FRYL: variants seen among roughly 807,000 people sequenced by gnomAD.
FRYL encodes the protein FRY like transcription coactivator, also known as protein furry homolog-like.
A neutral mutation model predicts 351.2 loss-of-function variants in FRYL; 150 were observed. The ratio of observed to expected loss-of-function variants is 0.43; its 90% CI spans 0.37 to 0.49. The LOEUF (loss-of-function observed/expected upper bound fraction) is 0.49, where lower values mean the gene tolerates loss of function less well. Ranked by LOEUF, FRYL falls within the 20% of genes least tolerant of loss-of-function variation. The pLI, the probability that FRYL is intolerant of heterozygous loss-of-function variation, is 0.00. For missense variants in FRYL, 3,036 were observed against 3,619.3 expected (o/e 0.84, Z 4.13); for synonymous variants, 1,153 against 1,257.1 (o/e 0.92, Z 1.75).
intron 25 of FRYL, 67 bp from the exon 26 acceptor site, chr4:48,573,310 TAAAA>T (rs1205626455): frequency 1.4e-5 from 14 of 1,032,438 alleles, no homozygotes; most frequent in Non-Finnish European, 2.0e-5. Context: ...GGTAAATATG[TAAAA>T]ACATGATGTA....
chr4:48,547,532 C>T, intron 41 of FRYL, 52 bp downstream of exon 41: 4 of 1,085,130 alleles, frequency 3.7e-6, no homozygotes, highest in East Asian at 2.7e-5. Flanking sequence ...TGCAGGATTC[C>T]AAATTAATAA....
At chr4:48,642,251 G>GCCTTCACAAA (rs1351908767) in intron 3 of FRYL, among the ~76,000 whole-genome samples, 4 of 151,938 alleles carry the variant, frequency 2.6e-5, no homozygotes, top group African/African-American at 4.8e-5. Context: ...ATACTTTCAA[G>GCCTTCACAAA]CTTATGCATG....
chr4:48,779,746 A>G (rs1463575305), intron 1 of FRYL, among the ~76,000 whole-genome samples: 1 of 151,686 alleles, frequency 6.6e-6, no homozygotes, highest in Non-Finnish European at 1.5e-5. Context: ...CGCGCGCGAG[A>G]AGAGCCAGGC....
At chr4:48,605,984 G>C (rs542630490) in intron 10 of FRYL, 151 bp from the exon 11 acceptor site, 88 of 563,258 alleles carry the variant, frequency 1.6e-4, no homozygotes, top group African/African-American at 1.5e-3. Context: ...GGCTGGGTGC[G>C]GTGGCTCACA....
intron 1 of FRYL, among the ~76,000 whole-genome samples, chr4:48,779,730 C>T (rs1384685908): frequency 6.6e-6 from 1 of 151,766 alleles, no homozygotes; most frequent in Non-Finnish European, 1.5e-5. Flanking sequence ...GCGAGGGGTA[C>T]CCGGGCGCGC....
At chr4:48,652,679 G>A (rs924345382) in intron 3 of FRYL, among the ~76,000 whole-genome samples, 1 of 152,132 alleles carries the variant, frequency 6.6e-6, no homozygotes, top group Non-Finnish European at 1.5e-5. Flanking sequence ...TTTATCTTAA[G>A]AGGGTTTTTG....
Position 48,561,449 on chromosome 4 carries a change from A to G in FRYL, c.3865+19T>C. The G allele has an allele frequency of 6.7e-7, 1 of 1,496,084 alleles. No homozygotes were observed. Among genetic ancestry groups the G allele is most frequent in the African/African-American group, 1.4e-5 (1 of 72,046 alleles). 92.7% of individuals were successfully genotyped at this position (1,496,084 alleles called of 1,614,324 possible). The stretch of plus-strand genomic sequence containing the variant: ...AATGATTGACAAATAGAAACTACTA[A>G]CCAGTTCATTGATCATACCTGAGAA... On this transcript the variant is annotated intron_variant, in intron 33 of 63. Coordinates refer to ENST00000358350, the MANE Select transcript of FRYL (RefSeq NM_015030.2).
intron 1 of FRYL, among the ~76,000 whole-genome samples, chr4:48,716,391 A>T (rs2149601423): frequency 6.6e-6 from 1 of 151,698 alleles, no homozygotes; most frequent in East Asian, 1.9e-4. Context: ...CAAAGGGCTA[A>T]TATCCAGAAT....
At chr4:48,645,794 A>G (rs1251291519) in intron 3 of FRYL, among the ~76,000 whole-genome samples, 1 of 152,182 alleles carries the variant, frequency 6.6e-6, no homozygotes, top group Non-Finnish European at 1.5e-5. Context: ...TGATCATTAA[A>G]AAGTTTCAAA....
intron 57 of FRYL, among the ~76,000 whole-genome samples, chr4:48,512,259 A>T (rs1722634639): frequency 6.6e-6 from 1 of 152,188 alleles, no homozygotes; most frequent in Admixed American, 6.5e-5. Flanking sequence ...TTGAAGTTTT[A>T]TTCTAATTGC....
intron 1 of FRYL, among the ~76,000 whole-genome samples, chr4:48,726,934 T>C (rs1249394057): frequency 6.6e-6 from 1 of 152,238 alleles, no homozygotes; most frequent in Non-Finnish European, 1.5e-5. Context: ...ATTAGTTATT[T>C]GAAAATTCCA....
At position 48,770,795 on chromosome 4, in the gene FRYL, A is replaced by G. The variant is rs766395474; in HGVS notation, c.-384+9283T>C. ...TAGTTTACAATAAATAAGCATACAC[A>G]TATTGGGAATGAAGACTCAATTTTT... On this transcript the variant is annotated intron_variant, in intron 1 of 63. Transcript: ENST00000358350. Among the ~76,000 whole-genome samples, 154 of 152,326 alleles carry G rather than the reference A, an allele frequency of 1.0e-3. 1 individual carries two copies. Among genetic ancestry groups the G allele is most frequent in the Non-Finnish European group, 3.4e-4 (23 of 68,026 alleles).
At chr4:48,499,819 A>G (rs955999138) in intron 63 of FRYL, 139 bp from the exon 64 acceptor site, 9 of 886,478 alleles carry the variant, frequency 1.0e-5, no homozygotes, top group African/African-American at 1.7e-5. Flanking sequence ...AATATTACTC[A>G]AAGTACCACC....
rs182982919 is a variant in FRYL, at chr4:48,732,332, T to C, written c.-383-21634A>G. ...AATGCTTTTACACTGTTGGTGGGAG[T>C]ATAAATTAGTTCAAGCATTGTGGAA... On this transcript the variant is annotated intron_variant, in intron 1 of 63. Coordinates refer to ENST00000358350, the MANE Select transcript of FRYL (RefSeq NM_015030.2). 5.7e-4 allele frequency among the ~76,000 whole-genome samples: 86 copies of C among 151,968 alleles called. 1 individual carries two copies. In the East Asian group the frequency reaches 0.016, roughly 29 times the overall value.
At chr4:48,756,609 C>A (rs1773803796) in intron 1 of FRYL, among the ~76,000 whole-genome samples, 1 of 152,146 alleles carries the variant, frequency 6.6e-6, no homozygotes, top group East Asian at 1.9e-4. Flanking sequence ...AAGACACGCA[C>A]TCAAATACTT....
At chr4:48,503,408 TG>T (rs1720168365) in intron 60 of FRYL, among the ~76,000 whole-genome samples, 1 of 152,132 alleles carries the variant, frequency 6.6e-6, no homozygotes, top group Admixed American at 6.6e-5. Context: ...AGCCACAGGG[TG>T]GAATATCAAA....
chr4:48,500,604 A>G (rs1218995230), intron 62 of FRYL, among the ~76,000 whole-genome samples: 1 of 152,226 alleles, frequency 6.6e-6, no homozygotes, highest in Non-Finnish European at 1.5e-5. Context: ...TAAAAAATAA[A>G]TACATGTATA....
chr4:48,713,884 C>A (rs749210909), intron 1 of FRYL, among the ~76,000 whole-genome samples: 4 of 152,162 alleles, frequency 2.6e-5, no homozygotes, highest in Non-Finnish European at 4.4e-5. Context: ...AAGCTCTTCT[C>A]AGCAAATGGA....
rs1219022761 is a variant in FRYL at position 48,531,254 on chromosome 4, C to T, written c.6805G>A (p.Asp2269Asn). The change falls in exon 50 of 64, where the codon GAT becomes AAT. Residue 2269 changes from aspartate (D) to asparagine (N), a missense_variant. Physicochemically the swap from Asp to Asn is conservative, Grantham distance 23. This residue lies in a region of FRYL where 1,987 missense variants were observed against 2,311.7 expected (regional missense o/e 0.86). Coordinates refer to ENST00000358350, the MANE Select transcript of FRYL (RefSeq NM_015030.2). ...PSDIPKTYGGDTGSPEISFTK... is the reference protein window; with the variant it reads ...PSDIPKTYGGNTGSPEISFTK... ...AAGGATATTTCAGGAGAACCTGTAT[C>T]TCCTCCATAGGTCTTGGGGATATCA... The T allele has an allele frequency of 1.2e-6, 2 of 1,611,674 alleles. No homozygotes were observed. The highest frequency in any genetic ancestry group is 2.2e-5 in the South Asian group (2 of 91,042).
Sources: allele counts gnomAD v4.1 joint callset (sites outside exome capture counted in the v4.1 genomes callset), GRCh38; gene constraint gnomAD v4.1.1; regional missense constraint gnomAD v4.1.1; transcripts MANE v1.5; gene names NCBI Gene and HGNC (gene_info 2026-07-23, HGNC 2026-07-21).